The following ARHGAP12 variants were observed in gnomAD, a reference collection of about 807,000 sequenced individuals.
ARHGAP12 encodes Rho GTPase activating protein 12.
In ARHGAP12, 64 loss-of-function variants were observed where a neutral mutation model predicts 108.6. That is an observed-to-expected ratio of 0.59 (90% CI 0.48 to 0.73). The LOEUF (loss-of-function observed/expected upper bound fraction) is 0.73, where lower values mean the gene tolerates loss of function less well. ARHGAP12 is among the 30% of genes least tolerant of loss of function. The pLI is 0.00. For missense variants in ARHGAP12, 940 were observed against 1,005.9 expected (o/e 0.93, Z 0.89); for synonymous variants, 312 against 337.2 (o/e 0.93, Z 0.82).
At chr10:31,898,530 C>T (rs551717258) in intron 3 of ARHGAP12, among the ~76,000 whole-genome samples, 3 of 152,274 alleles carry the variant, frequency 2.0e-5, no homozygotes, top group African/African-American at 4.8e-5. Context: ...GAATTACAGG[C>T]GTGAGCACCG....
At chr10:31,923,140 A>AAAAC (rs1839890684) in intron 1 of ARHGAP12, among the ~76,000 whole-genome samples, 1 of 150,970 alleles carries the variant, frequency 6.6e-6, no homozygotes, top group Non-Finnish European at 1.5e-5. Context: ...AGGAAAAAAA[A>AAAAC]AAAAAAAAAA....
chr10:31,910,915 C>A (rs570865215), intron 1 of ARHGAP12, among the ~76,000 whole-genome samples: 1 of 152,274 alleles, frequency 6.6e-6, no homozygotes, highest in Admixed American at 6.5e-5. Context: ...AACTGTTTTT[C>A]AAGTTTATGT....
chr10:31,876,740 A>G (rs1456127523), intron 3 of ARHGAP12, among the ~76,000 whole-genome samples: 2 of 152,166 alleles, frequency 1.3e-5, no homozygotes, highest in African/African-American at 4.8e-5. Flanking sequence ...TTCTTCTCAT[A>G]TTTCAAAGTG....
intron 3 of ARHGAP12, among the ~76,000 whole-genome samples, chr10:31,903,400 G>A (rs1013337695): frequency 1.6e-4 from 25 of 151,982 alleles, no homozygotes; most frequent in African/African-American, 5.6e-4. Context: ...GTCATTATGC[G>A]GTGCATGACT....
intron 1 of ARHGAP12, chr10:31,913,050 C>A (rs1194831900): frequency 6.6e-6 from 1 of 152,232 alleles, no homozygotes. Context: ...GTCGGCCGTA[C>A]ACTGAGCTCC....
At chr10:31,847,112 A>G (rs1836491122) in intron 6 of ARHGAP12, among the ~76,000 whole-genome samples, 2 of 151,728 alleles carry the variant, frequency 1.3e-5, no homozygotes, top group South Asian at 4.2e-4. Flanking sequence ...CAACCTCTTC[A>G]CTTATCTCAA....
intron 3 of ARHGAP12, among the ~76,000 whole-genome samples, chr10:31,889,619 G>GTTTTTTTTTTTTTT (rs869116452): frequency 4.5e-5 from 3 of 66,446 alleles, no homozygotes; most frequent in Non-Finnish European, 7.9e-5. Flanking sequence ...AATTTTTCTC[G>GTTTTTTTTTTTTTT]TTTTTTTTTT....
chr10:31,813,260 A>G (rs904193508), intron 14 of ARHGAP12, among the ~76,000 whole-genome samples: 6 of 152,188 alleles, frequency 3.9e-5, no homozygotes, highest in African/African-American at 1.4e-4. Flanking sequence ...CTGGATATAC[A>G]CACAAATATA....
intron 11 of ARHGAP12, among the ~76,000 whole-genome samples, chr10:31,822,170 C>T (rs72771471): frequency 0.091 from 13,816 of 152,050 alleles, 765 homozygotes; most frequent in Middle Eastern, 0.13. Flanking sequence ...CTGTAATCAA[C>T]CTCCCCACCA....
At chr10:31,841,288 G>A (rs550221946) in intron 7 of ARHGAP12, among the ~76,000 whole-genome samples, 4 of 151,630 alleles carry the variant, frequency 2.6e-5, no homozygotes, top group Admixed American at 2.0e-4. Flanking sequence ...ACAGACATAC[G>A]GCTACCCTTC....
intron 11 of ARHGAP12, among the ~76,000 whole-genome samples, chr10:31,825,152 C>G (rs1054906388): frequency 6.6e-6 from 1 of 152,084 alleles, no homozygotes; most frequent in Non-Finnish European, 1.5e-5. Context: ...CACATCCGTG[C>G]TCAATTCATG....
At chr10:31,813,332 TTCA>T (rs1195855594) in intron 14 of ARHGAP12, among the ~76,000 whole-genome samples, 2 of 152,126 alleles carry the variant, frequency 1.3e-5, no homozygotes, top group Non-Finnish European at 2.9e-5. Context: ...TAAGCTAACT[TTCA>T]TCATAATTAT....
intron 8 of ARHGAP12, 72 bp downstream of exon 8, chr10:31,839,565 G>T: frequency 1.5e-6 from 2 of 1,352,578 alleles, no homozygotes; most frequent in South Asian, 2.8e-5. Context: ...ATTACATTAA[G>T]AGTAAATTAA....
intron 3 of ARHGAP12, among the ~76,000 whole-genome samples, chr10:31,867,129 T>G (rs1837359055): frequency 6.6e-6 from 1 of 151,576 alleles, no homozygotes; most frequent in African/African-American, 2.4e-5. Context: ...TTTTTTTTTT[T>G]TTTGAGACGG....
intron 3 of ARHGAP12, among the ~76,000 whole-genome samples, chr10:31,878,384 A>G (rs1434464452): frequency 6.6e-6 from 1 of 152,208 alleles, no homozygotes; most frequent in Non-Finnish European, 1.5e-5. Context: ...TCCTAAACCT[A>G]CTTCAATAAA....
At chr10:31,850,725 A>AT (rs1836644704) in intron 6 of ARHGAP12, among the ~76,000 whole-genome samples, 1 of 152,144 alleles carries the variant, frequency 6.6e-6, no homozygotes, top group Non-Finnish European at 1.5e-5. Context: ...TAAAATGGTT[A>AT]TTTAACTTTT....
intron 8 of ARHGAP12, 136 bp downstream of exon 8, chr10:31,839,501 T>C: frequency 8.9e-7 from 1 of 1,122,414 alleles, no homozygotes; most frequent in East Asian, 2.7e-5. Flanking sequence ...TAAACTTATT[T>C]TGATTGTGAT....
intron 1 of ARHGAP12, among the ~76,000 whole-genome samples, chr10:31,922,224 G>T (rs1324817619): frequency 2.9e-5 from 3 of 104,896 alleles, no homozygotes; most frequent in Non-Finnish European, 4.0e-5. Context: ...AAAAAGCACA[G>T]ATCAGTAAAA....
intron 4 of ARHGAP12, among the ~76,000 whole-genome samples, chr10:31,860,721 A>G (rs936754833): frequency 6.6e-5 from 10 of 152,220 alleles, no homozygotes; most frequent in Non-Finnish European, 1.5e-4. Flanking sequence ...TACTAAGCCA[A>G]TAGAGAAATA....
Sources: allele counts gnomAD v4.1 joint callset (sites outside exome capture counted in the v4.1 genomes callset), GRCh38; gene constraint gnomAD v4.1.1; transcripts MANE v1.5; gene names NCBI Gene and HGNC (gene_info 2026-07-23, HGNC 2026-07-21).